ZNF469: variants seen among roughly 807,000 people sequenced by gnomAD.
The protein encoded by ZNF469 is zinc finger protein 469.
In ZNF469, 1 loss-of-function variant was observed where a neutral mutation model predicts 1.0. That is an observed-to-expected ratio of 1.00 (90% CI 0.35 to 4.73). The LOEUF (loss-of-function observed/expected upper bound fraction) is 4.73. Ranked by LOEUF, ZNF469 falls within the 30% of genes most tolerant of loss-of-function variation. The pLI is 0.16. For synonymous variants in ZNF469, 2,703 were observed against 2,363.4 expected, an observed-to-expected ratio of 1.14 and a Z score of -4.17; for missense variants, 6,100 against 5,356.3, an observed-to-expected ratio of 1.14 and a Z score of -4.33.
the ZNF469 span, among the ~76,000 whole-genome samples, chr16:88,329,311 G>T: frequency 6.6e-6 from 1 of 152,236 alleles, no homozygotes; most frequent in Non-Finnish European, 1.5e-5. Context: ...GGAAGGAAAG[G>T]CCTGGGTTAG....
intron 1 of ZNF469, among the ~76,000 whole-genome samples, chr16:88,397,800 C>A (rs541455724): frequency 6.6e-5 from 10 of 152,294 alleles, no homozygotes; most frequent in African/African-American, 2.4e-4. Context: ...TGTTGGAAAT[C>A]CCCTCCCTGG....
At chr16:88,299,714 AGGGATTT>A in the ZNF469 span, among the ~76,000 whole-genome samples, 34 of 152,106 alleles carry the variant, frequency 2.2e-4, no homozygotes, top group Non-Finnish European at 3.7e-4. Flanking sequence ...GGAGGTCTTC[AGGGATTT>A]GGGTGGGCTC....
chr16:88,317,239 G>A, the ZNF469 span, among the ~76,000 whole-genome samples: 7 of 152,202 alleles, frequency 4.6e-5, no homozygotes, highest in African/African-American at 1.2e-4. Flanking sequence ...CCTCTCCAGC[G>A]TGATGAACAC....
At position 88,438,473 on chromosome 16, in the gene ZNF469, G is replaced by T. The variant is rs1443535065; in HGVS notation, c.11003G>T (p.Gly3668Val). 6.5e-7 allele frequency: 1 copy of T among 1,550,114 alleles called. No individual in the cohort carries two copies. Among genetic ancestry groups the T allele is most frequent in the South Asian group, 1.2e-5 (1 of 84,064 alleles). ...GGGCCCCGAGGCGCCTTCCACAAGGGCAGCGCCACCAAGCCTGCGGGCTGC... is the reference window on the plus strand; with the variant it reads ...GGGCCCCGAGGCGCCTTCCACAAGGTCAGCGCCACCAAGCCTGCGGGCTGC... ...EGGPRGAFHKGSATKPAGCQS... is the reference protein window; with the variant it reads ...EGGPRGAFHKVSATKPAGCQS... Residue 3668 changes from glycine (G) to valine (V), a missense_variant, in exon 3 of 3, where the codon GGC becomes GTC. Gly to Val is a moderately radical substitution (Grantham distance 109). Coordinates refer to ENST00000565624, the MANE Select transcript of ZNF469 (RefSeq NM_001367624.2).
intron 1 of ZNF469, among the ~76,000 whole-genome samples, chr16:88,397,766 G>A (rs1339256192): frequency 2.0e-5 from 3 of 152,238 alleles, no homozygotes; most frequent in East Asian, 1.9e-4. Context: ...ATGGTCATTC[G>A]AACGAAGGTG....
At chr16:88,298,161 G>A in the ZNF469 span, among the ~76,000 whole-genome samples, 890 of 152,304 alleles carry the variant, frequency 5.8e-3, 8 homozygotes, top group South Asian at 0.027. Flanking sequence ...CCCATGGGGT[G>A]AGGTGGGGTC....
the ZNF469 span, among the ~76,000 whole-genome samples, chr16:88,305,545 T>C: frequency 2.4e-4 from 18 of 74,062 alleles, no homozygotes; most frequent in African/African-American, 7.4e-4. Flanking sequence ...CAGGCACACA[T>C]GTGTGCACAC....
the ZNF469 span, among the ~76,000 whole-genome samples, chr16:88,116,355 G>GATGCCGCA: frequency 6.6e-6 from 1 of 152,106 alleles, no homozygotes; most frequent in Admixed American, 6.5e-5. Context: ...CAGAACCAGC[G>GATGCCGCA]ATGCCGCAAT....
the ZNF469 span, among the ~76,000 whole-genome samples, chr16:88,219,868 G>A: frequency 6.6e-5 from 10 of 152,170 alleles, no homozygotes; most frequent in East Asian, 3.9e-4. Context: ...GTGGCCCTCC[G>A]TGGGTACAGC....
the ZNF469 span, among the ~76,000 whole-genome samples, chr16:88,305,606 GCA>G: frequency 1.3e-4 from 19 of 141,418 alleles, no homozygotes; most frequent in African/African-American, 3.2e-4. Context: ...CCTCACACAT[GCA>G]CACACACCCT....
the ZNF469 span, among the ~76,000 whole-genome samples, chr16:88,292,896 G>A: frequency 2.0e-5 from 3 of 151,848 alleles, no homozygotes; most frequent in African/African-American, 4.8e-5. Flanking sequence ...ATCGGACACT[G>A]GTCCGCTAGA....
the ZNF469 span, among the ~76,000 whole-genome samples, chr16:88,276,174 C>T: frequency 1.3e-5 from 2 of 152,166 alleles, no homozygotes; most frequent in African/African-American, 2.4e-5. Context: ...GAAAACGAGG[C>T]CCCTGCACAG....
the ZNF469 span, among the ~76,000 whole-genome samples, chr16:88,320,995 AC>A: frequency 6.6e-6 from 1 of 152,226 alleles, no homozygotes; most frequent in African/African-American, 2.4e-5. Flanking sequence ...CGAATGAGAC[AC>A]CGTGGCTGCC....
At chr16:88,345,433 C>T in the ZNF469 span, among the ~76,000 whole-genome samples, 4 of 152,202 alleles carry the variant, frequency 2.6e-5, no homozygotes, top group Non-Finnish European at 5.9e-5. Context: ...CCTTATGGGA[C>T]GGCACAGCCA....
intron 1 of ZNF469, among the ~76,000 whole-genome samples, chr16:88,406,233 C>G (rs56256426): frequency 6.6e-6 from 1 of 152,112 alleles, no homozygotes; most frequent in Non-Finnish European, 1.5e-5. Flanking sequence ...AGGGCAGAAA[C>G]GTGGGTGTGT....
At chr16:88,374,533 A>T in the ZNF469 span, among the ~76,000 whole-genome samples, 1 of 152,226 alleles carries the variant, frequency 6.6e-6, no homozygotes, top group African/African-American at 2.4e-5. Flanking sequence ...TATTCATGCT[A>T]TGGGCACTGG....
chr16:88,112,330 T>C, the ZNF469 span, among the ~76,000 whole-genome samples: 1 of 152,202 alleles, frequency 6.6e-6, no homozygotes, highest in Admixed American at 6.5e-5. Flanking sequence ...CTATGGTAGC[T>C]CAATTTGTAG....
the ZNF469 span, among the ~76,000 whole-genome samples, chr16:88,263,190 G>A: frequency 9.2e-5 from 14 of 152,188 alleles, no homozygotes; most frequent in African/African-American, 3.1e-4. Context: ...TCAGGTTCCC[G>A]GACGATACTG....
chr16:88,276,312 G>A, the ZNF469 span, among the ~76,000 whole-genome samples: 1 of 152,190 alleles, frequency 6.6e-6, no homozygotes, highest in African/African-American at 2.4e-5. Flanking sequence ...GCAAGCAGGG[G>A]GGATTGGGAG....
Sources: allele counts gnomAD v4.1 joint callset (sites outside exome capture counted in the v4.1 genomes callset), GRCh38; gene constraint gnomAD v4.1.1; transcripts MANE v1.5; gene names NCBI Gene and HGNC (gene_info 2026-07-23, HGNC 2026-07-21).